The following MCM4 variants were observed in gnomAD, a reference collection of about 807,000 sequenced individuals.
MCM4 encodes DNA replication licensing factor MCM4.
MCM4 carries 60 observed loss-of-function variants against 88.7 expected under a neutral mutation model. That is an observed-to-expected ratio of 0.68 (90% CI 0.55 to 0.84). The LOEUF is 0.84. MCM4 is among the 40% of genes least tolerant of loss of function. The pLI is 0.00. For missense variants in MCM4, 1,149 were observed against 1,105.5 expected (o/e 1.04, Z -0.56); for synonymous variants, 465 against 410.5 (o/e 1.13, Z -1.61).
chr8:47,965,997 GC>G (rs2090894789), intron 8 of MCM4, among the ~76,000 whole-genome samples, 189 bp from the exon 9 acceptor site: 1 of 152,128 alleles, frequency 6.6e-6, no homozygotes, highest in African/African-American at 2.4e-5. Context: ...CTGGACAGGG[GC>G]CCTGAGGAAG....
At chr8:47,964,805 T>C in intron 8 of MCM4, 93 bp downstream of exon 8, 1 of 1,071,626 alleles carries the variant, frequency 9.3e-7, no homozygotes, top group Non-Finnish European at 1.3e-6. Context: ...AAAGAAGTAA[T>C]TGGCGGTGGT....
intron 14 of MCM4, 163 bp from the exon 15 acceptor site, chr8:47,974,571 T>C (rs2090984413): frequency 3.1e-6 from 2 of 643,346 alleles, no homozygotes; most frequent in Non-Finnish European, 5.6e-6. Context: ...GCGATTTCTG[T>C]GGTCTGTCTG....
chr8:47,972,009 A>G (rs994356227), intron 13 of MCM4, among the ~76,000 whole-genome samples: 3 of 151,944 alleles, frequency 2.0e-5, no homozygotes, highest in Non-Finnish European at 4.4e-5. Flanking sequence ...AGGTGGGTGG[A>G]TCGCCTGAGC....
chr8:47,961,317 A>T, intron 2 of MCM4, 103 bp downstream of exon 2: 1 of 1,429,840 alleles, frequency 7.0e-7, no homozygotes, highest in African/African-American at 1.5e-5. Context: ...CCGGGCGCTC[A>T]GCCTCGGGCT....
chr8:47,970,145 C>A, intron 11 of MCM4, 88 bp downstream of exon 11: 2 of 1,453,372 alleles, frequency 1.4e-6, no homozygotes, highest in African/African-American at 1.4e-5. Flanking sequence ...TCGAGCCATC[C>A]GCCATAAAGG....
chr8:47,973,124 C>A, intron 14 of MCM4, 60 bp downstream of exon 14: 1 of 1,308,974 alleles, frequency 7.6e-7, no homozygotes, highest in Non-Finnish European at 1.1e-6. Flanking sequence ...TGTAACTGAC[C>A]AATCATCTCC....
At chr8:47,967,280 T>C in intron 9 of MCM4, 85 bp from the exon 10 acceptor site, 1 of 1,491,508 alleles carries the variant, frequency 6.7e-7, no homozygotes, top group Non-Finnish European at 9.2e-7. Context: ...CAGCCTTATA[T>C]GGCAAAAGCA....
chr8:47,970,369 C>A (rs2090941389), intron 11 of MCM4, 142 bp from the exon 12 acceptor site: 1 of 1,031,536 alleles, frequency 9.7e-7, no homozygotes, highest in Admixed American at 2.4e-5. Flanking sequence ...GCATATCAAG[C>A]ACTTTCACGA....
intron 15 of MCM4, chr8:47,975,459 TG>T (rs2090993313): frequency 3.8e-6 from 1 of 262,836 alleles, no homozygotes; most frequent in East Asian, 7.2e-5. Flanking sequence ...TGGGAAGTTT[TG>T]TTAACCCATT....
chr8:47,961,619 CCTGCA>C lies in MCM4; in HGVS notation c.175_179del (p.Leu59GlufsTer23). Reference sequence around the variant, plus strand: ...CGATGCCAACCTCGCCTGGAGTGGACCTGCAGAGCCCTGCTGCGCAGGACGTGCTG... The same window carrying C: ...CGATGCCAACCTCGCCTGGAGTGGACGAGCCCTGCTGCGCAGGACGTGCTG... On this transcript the variant is annotated frameshift_variant, in exon 3 of 17. Coordinates refer to ENST00000649973, the MANE Select transcript of MCM4 (RefSeq NM_182746.3). LOFTEE classifies it high-confidence loss of function. The C allele has an allele frequency of 1.2e-6, 2 of 1,614,158 alleles. No homozygotes were observed. The highest frequency in any genetic ancestry group is 1.7e-6 in the Non-Finnish European group (2 of 1,180,024).
intron 10 of MCM4, chr8:47,969,569 G>A (rs560908154): frequency 1.1e-4 from 60 of 556,930 alleles, no homozygotes; most frequent in African/African-American, 6.6e-4. Flanking sequence ...GAGCTTGTCC[G>A]TTTCCTGCTG....
chr8:47,961,294 G>A (rs2090827223), intron 2 of MCM4, 80 bp downstream of exon 2: 11 of 1,427,220 alleles, frequency 7.7e-6, no homozygotes, highest in Non-Finnish European at 1.0e-5. Flanking sequence ...AGCGCTGGGT[G>A]GGTGCGCGGG....
intron 2 of MCM4, 105 bp from the exon 3 acceptor site, chr8:47,961,407 CTGTT>C (rs2090830792): frequency 6.3e-7 from 1 of 1,590,000 alleles, no homozygotes; most frequent in Non-Finnish European, 8.5e-7. Flanking sequence ...CCATTTGCCT[CTGTT>C]TGGTTTGGTT....
Position 47,966,191 on chromosome 8 carries a change from T to G in MCM4, c.837T>G (p.Ile279Met). The change falls in exon 9 of 17, where the codon ATT becomes ATG. Residue 279 changes from isoleucine (I) to methionine (M), a missense_variant. Physicochemically the swap from Ile to Met is conservative, Grantham distance 10. Transcript: ENST00000649973. ...KNMRNLNPED[I>M]DQLITISGMV... is the part of the protein sequence containing the mutation. The stretch of plus-strand genomic sequence containing the variant: ...ACCTCTCTTCTCCCCTCACAGACAT[T>G]GACCAGCTCATCACCATCAGCGGCA... 1 of 1,613,788 alleles carries G rather than the reference T, an allele frequency of 6.2e-7. No homozygotes were observed. The highest frequency in any genetic ancestry group is 8.5e-7 in the Non-Finnish European group (1 of 1,179,900).
Position 47,962,969 on chromosome 8 carries a change from T to G in MCM4, c.622T>G (p.Leu208Val). Residue 208 changes from leucine (L) to valine (V), a missense_variant, in exon 7 of 17, where the codon TTA (leucine) becomes GTA (valine). Coordinates refer to ENST00000649973, the MANE Select transcript of MCM4 (RefSeq NM_182746.3). ...GATTAATGTTATTGGTGAGCCATTT[T>G]TAAATGTGAACTGTGAACACATCAA... is the stretch of plus-strand genomic sequence containing the variant. ...GEINVIGEPF[L>V]NVNCEHIKSF... is the part of the protein sequence containing the mutation. The G allele has an allele frequency of 6.2e-7, 1 of 1,604,542 alleles. No homozygotes were observed. Among genetic ancestry groups the G allele is most frequent in the Non-Finnish European group, 8.5e-7 (1 of 1,176,546 alleles).
chr8:47,964,863 C>A (rs769462149), intron 8 of MCM4, 151 bp downstream of exon 8: 10 of 616,840 alleles, frequency 1.6e-5, no homozygotes, highest in Non-Finnish European at 2.4e-5. Context: ...ATTCAGTTAT[C>A]CTATATACTT....
At chr8:47,976,035 G>T (rs1052014331) in intron 16 of MCM4, among the ~76,000 whole-genome samples, 187 bp downstream of exon 16, 1 of 152,044 alleles carries the variant, frequency 6.6e-6, no homozygotes, top group Non-Finnish European at 1.5e-5. Context: ...AGTAGCTCAC[G>T]CCTGTAATCT....
intron 8 of MCM4, 115 bp from the exon 9 acceptor site, chr8:47,966,072 C>G: frequency 1.3e-6 from 1 of 776,258 alleles, no homozygotes; most frequent in Non-Finnish European, 2.2e-6. Context: ...TGACTGGACA[C>G]AGAAAGGTCG....
At chr8:47,972,795 G>A in intron 13 of MCM4, 62 bp from the exon 14 acceptor site, 2 of 1,369,534 alleles carry the variant, frequency 1.5e-6, no homozygotes. Flanking sequence ...AACCTCAGGT[G>A]ATCCACCTGC....
Sources: gnomAD v4.1 joint callset for allele counts (sites outside exome capture counted in the v4.1 genomes callset) on GRCh38, gnomAD v4.1.1 for gene constraint, MANE v1.5 for transcripts, NCBI Gene and HGNC (gene_info 2026-07-23, HGNC 2026-07-21) for gene names.